Variants in CRADD observed in about 807,000 individuals in gnomAD.
CRADD encodes the protein CARD and death domain containing adaptor protein, also known as death domain-containing protein CRADD.
A neutral mutation model predicts 15.5 loss-of-function variants in CRADD; 9 were observed. The observed-to-expected ratio is 0.58, with a 90% CI of 0.35 to 1.01. The LOEUF is 1.01. Among genes scored for constraint, CRADD ranks in the 50% least tolerant of loss-of-function variants. CRADD has a pLI of 0.02. For synonymous variants in CRADD, 118 were observed against 107.6 expected, an observed-to-expected ratio of 1.10 and a Z score of -0.60; for missense variants, 227 against 250.3, an observed-to-expected ratio of 0.91 and a Z score of 0.63.
intron 2 of CRADD, among the ~76,000 whole-genome samples, chr12:93,818,166 G>T (rs148124065): frequency 6.6e-6 from 1 of 152,302 alleles, no homozygotes; most frequent in African/African-American, 2.4e-5. Context: ...GAACATGCAT[G>T]CTTGCAGGTC....
intron 2 of CRADD, among the ~76,000 whole-genome samples, chr12:93,843,515 G>A (rs1391945954): frequency 6.8e-6 from 1 of 148,096 alleles, no homozygotes; most frequent in African/African-American, 2.5e-5. Flanking sequence ...AAGTAGCTGG[G>A]AATACAGGTG....
Position 93,835,869 on chromosome 12 carries a change from C to A in CRADD, c.299-14101C>A, listed in dbSNP as rs1042534783. Among the ~76,000 whole-genome samples the A allele has an allele frequency of 2.0e-4, 30 of 152,076 alleles. 1 individual carries two copies. Among genetic ancestry groups the A allele is most frequent in the Non-Finnish European group, 2.9e-5 (2 of 68,006 alleles). ...GTTTGGGTGACTGTGGCCTTTGGGG[C>A]TCTGATCCACTGGGGTGATTTCTCC... On this transcript the variant is annotated intron_variant, in intron 2 of 2. Transcript: ENST00000332896.
chr12:93,681,758 G>T (rs975444319), intron 2 of CRADD, among the ~76,000 whole-genome samples: 2 of 151,918 alleles, frequency 1.3e-5, no homozygotes, highest in African/African-American at 4.8e-5. Flanking sequence ...CTGAATTGGG[G>T]GTTTATCATT....
chr12:93,770,195 A>G (rs1170422516), intron 2 of CRADD, among the ~76,000 whole-genome samples: 1 of 144,402 alleles, frequency 6.9e-6, no homozygotes, highest in Non-Finnish European at 1.5e-5. Context: ...TCCCGGGTTC[A>G]CGCCATTCTC....
intron 2 of CRADD, among the ~76,000 whole-genome samples, chr12:93,744,201 GC>G (rs1235188184): frequency 6.6e-6 from 1 of 152,222 alleles, no homozygotes; most frequent in Non-Finnish European, 1.5e-5. Context: ...GGAGCAGCAG[GC>G]CTGGACTTGT....
chr12:93,678,802 C>A lies in CRADD; in HGVS notation c.28C>A (p.Arg10Ser). Residue 10 changes from arginine to serine, a missense_variant, in exon 2 of 3, where the codon CGC becomes AGC. Physicochemically the swap from Arg to Ser is moderately radical, Grantham distance 110 (BLOSUM62 -1). Transcript: ENST00000332896. MEARDKQVL[R>S]SLRLELGAEV... Reference sequence around the variant, plus strand: ...GGAGGCCAGAGACAAACAAGTACTCCGCTCACTTCGCCTGGAGCTGGGTGC... The same window carrying A: ...GGAGGCCAGAGACAAACAAGTACTCAGCTCACTTCGCCTGGAGCTGGGTGC... 6.2e-7 allele frequency: 1 copy of A among 1,613,920 alleles called. No homozygotes were observed. Among genetic ancestry groups the A allele is most frequent in the South Asian group, 1.1e-5 (1 of 91,064 alleles).
At chr12:93,715,216 G>C (rs760530335) in intron 2 of CRADD, among the ~76,000 whole-genome samples, 1 of 152,276 alleles carries the variant, frequency 6.6e-6, no homozygotes, top group East Asian at 1.9e-4. Context: ...ATTACTCATA[G>C]GGTAAGAGTG....
chr12:93,863,755 T>A (rs528187198), intron 2 of CRADD, among the ~76,000 whole-genome samples: 96 of 152,150 alleles, frequency 6.3e-4, no homozygotes, highest in Non-Finnish European at 1.1e-3. Context: ...AAAATACCAG[T>A]AACACCCCCA....
At chr12:93,840,519 C>T (rs1958034173) in intron 2 of CRADD, among the ~76,000 whole-genome samples, 1 of 151,788 alleles carries the variant, frequency 6.6e-6, no homozygotes, top group African/African-American at 2.4e-5. Context: ...TTAGTTTTAT[C>T]TCTTCCCTAG....
intron 2 of CRADD, among the ~76,000 whole-genome samples, chr12:93,883,477 AT>A (rs144167078): frequency 0.011 from 1,746 of 152,314 alleles, 44 homozygotes; most frequent in African/African-American, 0.04. Context: ...GACATTAAGA[AT>A]TTAAAGACAA....
At chr12:93,728,275 T>C (rs1174603120) in intron 2 of CRADD, among the ~76,000 whole-genome samples, 1 of 152,216 alleles carries the variant, frequency 6.6e-6, no homozygotes, top group Non-Finnish European at 1.5e-5. Context: ...CAGGCATGAA[T>C]AGAGTTGAAA....
At chr12:93,751,614 C>T (rs1956829400) in intron 2 of CRADD, among the ~76,000 whole-genome samples, 1 of 152,172 alleles carries the variant, frequency 6.6e-6, no homozygotes, top group Non-Finnish European at 1.5e-5. Flanking sequence ...CCTGTAATCC[C>T]AGCACTTTGG....
intron 2 of CRADD, among the ~76,000 whole-genome samples, chr12:93,799,380 CAT>C (rs1003245060): frequency 3.9e-5 from 6 of 152,292 alleles, no homozygotes; most frequent in Admixed American, 6.5e-5. Context: ...CACACACACA[CAT>C]GTAAATAGAA....
intron 2 of CRADD, among the ~76,000 whole-genome samples, chr12:93,761,112 C>T (rs977041842): frequency 6.6e-6 from 1 of 152,074 alleles, no homozygotes; most frequent in African/African-American, 2.4e-5. Context: ...ATTGAGGTGG[C>T]TCAGGCCATA....
chr12:93,843,830 C>T (rs575708509), intron 2 of CRADD, among the ~76,000 whole-genome samples: 12 of 152,222 alleles, frequency 7.9e-5, no homozygotes, highest in African/African-American at 2.9e-4. Context: ...AAGTGGTCCT[C>T]CTGCCACAGC....
chr12:93,766,133 C>T (rs1053480881), intron 2 of CRADD, among the ~76,000 whole-genome samples: 5 of 152,136 alleles, frequency 3.3e-5, no homozygotes, highest in African/African-American at 7.2e-5. Flanking sequence ...AAACTCAAAA[C>T]GCCTGCCTGT....
chr12:93,700,015 G>T (rs974982646), intron 2 of CRADD, among the ~76,000 whole-genome samples: 1 of 152,158 alleles, frequency 6.6e-6, no homozygotes, highest in African/African-American at 2.4e-5. Context: ...GGAGTGCTTC[G>T]AAGGTGAATC....
chr12:93,827,327 T>G (rs1957835442), intron 2 of CRADD, among the ~76,000 whole-genome samples: 1 of 152,176 alleles, frequency 6.6e-6, no homozygotes, highest in African/African-American at 2.4e-5. Flanking sequence ...CAGCATTCTC[T>G]TTTGTCTGGC....
chr12:93,835,408 G>T (rs1957962269), intron 2 of CRADD, among the ~76,000 whole-genome samples: 1 of 152,088 alleles, frequency 6.6e-6, no homozygotes. Context: ...TTGAACCAGG[G>T]TACATGTTTC....
Sources: gnomAD v4.1 joint callset for allele counts (sites outside exome capture counted in the v4.1 genomes callset) on GRCh38, gnomAD v4.1.1 for gene constraint, MANE v1.5 for transcripts, NCBI Gene and HGNC (gene_info 2026-07-23, HGNC 2026-07-21) for gene names.